KCNQ4: variants seen among roughly 807,000 people sequenced by gnomAD.
The protein encoded by KCNQ4 is potassium voltage-gated channel subfamily Q member 4.
In KCNQ4, 31 loss-of-function variants were observed where a neutral mutation model predicts 72.6. The observed-to-expected ratio is 0.43, with a 90% CI of 0.32 to 0.58. KCNQ4 has a LOEUF of 0.58. Ranked by LOEUF, KCNQ4 falls within the 20% of genes least tolerant of loss-of-function variation. KCNQ4 has a pLI of 0.08. For synonymous variants in KCNQ4, 405 were observed against 403.7 expected (o/e 1.00, Z -0.04); for missense variants, 869 against 962.6 (o/e 0.90, Z 1.29).
chr1:40,831,358 G>A, intron 10 of KCNQ4, 54 bp downstream of exon 10: 5 of 1,451,064 alleles, frequency 3.4e-6, no homozygotes, highest in South Asian at 1.2e-5. Flanking sequence ...GTGGCAGGGC[G>A]GGGACAGTCT....
chr1:40,803,485 G>A (rs945677024), intron 1 of KCNQ4, among the ~76,000 whole-genome samples: 1 of 152,140 alleles, frequency 6.6e-6, no homozygotes, highest in Non-Finnish European at 1.5e-5. Flanking sequence ...CACCACTCAG[G>A]ATCCTGCCTC....
chr1:40,785,533 C>G (rs1647194376), intron 1 of KCNQ4, among the ~76,000 whole-genome samples: 2 of 152,276 alleles, frequency 1.3e-5, no homozygotes, highest in South Asian at 4.1e-4. Context: ...CCTCTGCCAG[C>G]CTGAGTTTCC....
Position 40,839,966 on chromosome 1 carries a change from A to T in KCNQ4, c.*1443A>T, listed in dbSNP as rs1648928625. The T allele has an allele frequency of 6.6e-6, 1 of 152,322 alleles. No homozygotes were observed. Among genetic ancestry groups the T allele is most frequent in the South Asian group, 2.1e-4 (1 of 4,830 alleles). The allele number at this position is 152,322 out of a possible 1,614,324, so 9.4% of individuals were successfully genotyped here. On this transcript the variant is annotated 3_prime_UTR_variant, in exon 14 of 14. Transcript: ENST00000347132. ...GCGTCAGCCCCCATTCACTCCAGGA[A>T]CACTTTCTTATCCCCACCCCTTTGC...
intron 7 of KCNQ4, among the ~76,000 whole-genome samples, chr1:40,821,636 G>T (rs534631206): frequency 1.3e-5 from 2 of 152,190 alleles, no homozygotes; most frequent in Non-Finnish European, 2.9e-5. Flanking sequence ...AGGCAGCTGG[G>T]AAAGATGGAG....
chr1:40,830,554 G>T (rs61778969), intron 9 of KCNQ4, among the ~76,000 whole-genome samples: 24,430 of 152,064 alleles, frequency 0.16, 2,345 homozygotes, highest in Non-Finnish European at 0.21. Context: ...TCGCACATGT[G>T]TGTGCACAAG....
At chr1:40,834,063 C>T (rs1430492229) in intron 11 of KCNQ4, among the ~76,000 whole-genome samples, 6 of 151,620 alleles carry the variant, frequency 4.0e-5, no homozygotes, top group Admixed American at 3.9e-4. Context: ...CACTACCCCC[C>T]ACAGTCTGAA....
At chr1:40,830,642 G>A (rs1648613163) in intron 9 of KCNQ4, among the ~76,000 whole-genome samples, 1 of 152,056 alleles carries the variant, frequency 6.6e-6, no homozygotes, top group Non-Finnish European at 1.5e-5. Context: ...AGGACTGGAG[G>A]CCTACCTCCG....
At chr1:40,785,464 G>T (rs1295149684) in intron 1 of KCNQ4, among the ~76,000 whole-genome samples, 4 of 152,154 alleles carry the variant, frequency 2.6e-5, no homozygotes, top group Non-Finnish European at 5.9e-5. Context: ...GGGTCTCCTG[G>T]GTGGCCCACC....
At chr1:40,803,445 G>GC (rs910817418) in intron 1 of KCNQ4, among the ~76,000 whole-genome samples, 4 of 152,148 alleles carry the variant, frequency 2.6e-5, no homozygotes, top group Non-Finnish European at 5.9e-5. Flanking sequence ...TCCCTCTGCT[G>GC]CCCCCCAATC....
chr1:40,798,497 A>G (rs1173888067), intron 1 of KCNQ4, among the ~76,000 whole-genome samples: 1 of 152,230 alleles, frequency 6.6e-6, no homozygotes, highest in Non-Finnish European at 1.5e-5. Flanking sequence ...CACTGAATTC[A>G]TGTAACAACC....
chr1:40,825,715 G>A (rs113582390), intron 9 of KCNQ4, among the ~76,000 whole-genome samples: 18 of 152,272 alleles, frequency 1.2e-4, no homozygotes, highest in African/African-American at 3.6e-4. Context: ...GTTTCCAGGC[G>A]GAAACTCAAG....
chr1:40,813,948 C>T (rs186732006), intron 1 of KCNQ4, among the ~76,000 whole-genome samples: 8 of 151,084 alleles, frequency 5.3e-5, no homozygotes, highest in East Asian at 2.0e-4. Flanking sequence ...AGGGTTTCAC[C>T]GTGTTAGTCA....
At chr1:40,803,032 C>T (rs1166601894) in intron 1 of KCNQ4, among the ~76,000 whole-genome samples, 1 of 152,182 alleles carries the variant, frequency 6.6e-6, no homozygotes, top group Non-Finnish European at 1.5e-5. Context: ...CCCCCTATCT[C>T]CAGCACGGTT....
At chr1:40,789,108 G>C (rs1647234553) in intron 1 of KCNQ4, among the ~76,000 whole-genome samples, 1 of 152,198 alleles carries the variant, frequency 6.6e-6, no homozygotes, top group Non-Finnish European at 1.5e-5. Context: ...GGGTCTGTGT[G>C]TATTTGTGTA....
chr1:40,820,743 T>C (rs1648263289), intron 7 of KCNQ4, among the ~76,000 whole-genome samples: 1 of 152,148 alleles, frequency 6.6e-6, no homozygotes. Context: ...CCTGCAAAGT[T>C]GAGCTGGGCA....
At chr1:40,822,095 T>G (rs890844107) in intron 7 of KCNQ4, among the ~76,000 whole-genome samples, 4 of 152,232 alleles carry the variant, frequency 2.6e-5, no homozygotes, top group Non-Finnish European at 1.5e-5. Flanking sequence ...CTATGGCCCC[T>G]GGCTCTGACA....
rs1647345837 is a variant in KCNQ4 at position 40,794,243 on chromosome 1, T to G, written c.314+9836T>G. Among the ~76,000 whole-genome samples, 4 of 152,186 alleles carry G rather than the reference T, an allele frequency of 2.6e-5. No individual in the cohort carries two copies. Among genetic ancestry groups the G allele is most frequent in the Non-Finnish European group, 5.9e-5 (4 of 68,028 alleles). On this transcript the variant is annotated intron_variant, in intron 1 of 13. Coordinates refer to ENST00000347132, the MANE Select transcript of KCNQ4 (RefSeq NM_004700.4). This position sits in a 1 kb window ranked among gnomAD's most constrained non-coding sequence, Gnocchi z 4.2. ...GACCTGCAGAGCACAGGGCCTTGAT[T>G]GACAGGCTGTGGAGGTGGGCCTTAC...
rs1016512710 is a variant in KCNQ4, at chr1:40,818,658, C to T, written c.686C>T (p.Ser229Leu). ...GGCGGCACCTGGAAGCTGCTGGGCT[C>T]AGTGGTCTACGCGCATAGCAAGGTG... is the stretch of plus-strand genomic sequence containing the variant. ...RRGGTWKLLGSVVYAHSKELI... is the reference protein window; with the variant it reads ...RRGGTWKLLGLVVYAHSKELI... The change falls in exon 4 of 14, where the codon TCA (serine) becomes TTA (leucine). Residue 229 changes from serine (S) to leucine (L), a missense_variant. By Grantham distance (145) the Ser-to-Leu change is moderately radical (BLOSUM62 -2). This residue lies in a region of KCNQ4 where 179 missense variants were observed against 243.0 expected (regional missense o/e 0.74). Transcript: ENST00000347132. 117 of 1,604,638 alleles carry T rather than the reference C, an allele frequency of 7.3e-5. No homozygotes were observed. The highest frequency in any genetic ancestry group is 9.4e-5 in the Non-Finnish European group (111 of 1,178,728).
intron 1 of KCNQ4, among the ~76,000 whole-genome samples, chr1:40,800,438 T>A (rs146261353): frequency 6.6e-6 from 1 of 152,194 alleles, no homozygotes; most frequent in African/African-American, 2.4e-5. Context: ...GTTAACCTGA[T>A]TGAAACTTTT....
Sources: allele counts gnomAD v4.1 joint callset (sites outside exome capture counted in the v4.1 genomes callset), GRCh38; gene constraint gnomAD v4.1.1; regional missense constraint gnomAD v4.1.1; non-coding constraint Gnocchi (gnomAD v3.1); transcripts MANE v1.5; gene names NCBI Gene and HGNC (gene_info 2026-07-23, HGNC 2026-07-21).